The following KMT2E variants were observed in gnomAD, a reference collection of about 807,000 sequenced individuals.
KMT2E encodes histone reader KMT2E.
KMT2E carries 30 observed loss-of-function variants against 184.6 expected under a neutral mutation model. That is an observed-to-expected ratio of 0.16 (90% confidence interval 0.12 to 0.22). The LOEUF (loss-of-function observed/expected upper bound fraction) is 0.22. KMT2E is among the 10% of genes least tolerant of loss of function. The pLI is 1.00. For synonymous variants in KMT2E, 815 were observed against 776.5 expected (o/e 1.05, Z -0.82); for missense variants, 2,023 against 2,237.4 (o/e 0.90, Z 1.93).
intron 8 of KMT2E, 71 bp from the exon 9 acceptor site, chr7:105,075,972 C>T (rs983143978): frequency 1.7e-6 from 2 of 1,206,592 alleles, no homozygotes; most frequent in Non-Finnish European, 2.4e-6. Flanking sequence ...TTTCAATGAA[C>T]CAATTAATTC....
intron 6 of KMT2E, among the ~76,000 whole-genome samples, chr7:105,073,251 G>A (rs1006763365): frequency 2.6e-5 from 4 of 151,836 alleles, no homozygotes; most frequent in African/African-American, 9.7e-5. Flanking sequence ...TAAAAAATTA[G>A]CCCGGCATGA....
intron 11 of KMT2E, among the ~76,000 whole-genome samples, 175 bp from the exon 12 acceptor site, chr7:105,078,657 CTTTTTTTTTTTTTT>C (rs71152940): frequency 4.5e-4 from 21 of 46,724 alleles, no homozygotes; most frequent in Admixed American, 2.7e-3. Flanking sequence ...CATGCCTGGC[CTTTTTTTTTTTTTT>C]TTTTTTTTTT....
intron 13 of KMT2E, chr7:105,089,228 T>C: frequency 2.5e-6 from 1 of 404,210 alleles, no homozygotes; most frequent in Non-Finnish European, 4.8e-6. Flanking sequence ...GGATGCAGTC[T>C]CACTCTGTCA....
At chr7:105,107,316 C>T (rs1798948583) in intron 21 of KMT2E, 46 bp from the exon 22 acceptor site, 2 of 1,523,416 alleles carry the variant, frequency 1.3e-6, no homozygotes, top group African/African-American at 2.8e-5. Flanking sequence ...TAAACAGTCC[C>T]AAGATGTGAT....
rs138172976 is a variant in KMT2E, at chr7:105,090,096, T to C, written c.1446T>C (p.Asn482=). ...GTTCTGAATCCATGGAAAATATCAA[T>C]AGTGGTTATGAGACCAGACGGAAAA... ...KRSSESMENI[N]SGYETRRKKG... Residue 482 remains asparagine (N), a synonymous_variant, in exon 14 of 27, where the codon AAT becomes AAC. Transcript: ENST00000311117. 4.0e-4 allele frequency: 648 copies of C among 1,613,442 alleles called. No homozygotes were observed. Among genetic ancestry groups the C allele is most frequent in the Non-Finnish European group, 5.2e-4 (619 of 1,179,860 alleles).
chr7:105,075,170 A>G (rs1283258391), intron 8 of KMT2E, among the ~76,000 whole-genome samples: 2 of 150,336 alleles, frequency 1.3e-5, no homozygotes, highest in African/African-American at 4.9e-5. Context: ...CATGTTTTAC[A>G]TAACGGTTCT....
At chr7:105,095,668 A>G (rs1020572144) in intron 15 of KMT2E, among the ~76,000 whole-genome samples, 4 of 152,106 alleles carry the variant, frequency 2.6e-5, no homozygotes, top group Admixed American at 2.6e-4. Flanking sequence ...ACCTGCTTTT[A>G]CAAAAGCAAA....
rs1324031314 is a variant in KMT2E, at chr7:105,113,288, G to A, written c.5532G>A (p.Val1844=). ...PGQIPIHRAQ[V]PPTFQNNYHG... is the part of the protein sequence containing the mutation. ...AGATTCCAATTCACAGAGCACAGGT[G>A]CCACCAACATTTCAAAACAATTACC... Residue 1844 remains valine, a synonymous_variant, in exon 27 of 27, where the codon GTG becomes GTA. Coordinates refer to ENST00000311117, the MANE Select transcript of KMT2E (RefSeq NM_182931.3). 1 of 1,613,694 alleles carries A rather than the reference G, an allele frequency of 6.2e-7. No homozygotes were observed. The highest frequency in any genetic ancestry group is 8.5e-7 in the Non-Finnish European group (1 of 1,179,616).
chr7:105,068,294 G>A (rs1056161060), intron 6 of KMT2E, among the ~76,000 whole-genome samples: 4 of 151,748 alleles, frequency 2.6e-5, no homozygotes, highest in Non-Finnish European at 5.9e-5. Flanking sequence ...TTCATAGTTA[G>A]ACTGTTTTGT....
chr7:105,073,535 TTAAA>T (rs1315708122), intron 6 of KMT2E, 80 bp from the exon 7 acceptor site: 4 of 824,688 alleles, frequency 4.9e-6, no homozygotes, highest in Admixed American at 2.5e-5. Context: ...ACTGAGAACA[TTAAA>T]TAAATTAAAA....
chr7:105,061,051 G>A (rs770570406), intron 3 of KMT2E, among the ~76,000 whole-genome samples: 1 of 152,074 alleles, frequency 6.6e-6, no homozygotes, highest in Non-Finnish European at 1.5e-5. Flanking sequence ...ATCTCCTTTA[G>A]AACCATTAGA....
intron 1 of KMT2E, among the ~76,000 whole-genome samples, chr7:105,016,415 C>A (rs1400668028): frequency 6.6e-6 from 1 of 152,048 alleles, no homozygotes; most frequent in Non-Finnish European, 1.5e-5. Context: ...GATTTTTTTC[C>A]TCTTCAAATA....
At chr7:105,102,366 G>A in intron 17 of KMT2E, 172 bp downstream of exon 17, 2 of 519,466 alleles carry the variant, frequency 3.9e-6, no homozygotes, top group South Asian at 2.9e-5. Context: ...TAATATAAAT[G>A]TTTGCATTAC....
intron 6 of KMT2E, among the ~76,000 whole-genome samples, chr7:105,069,292 T>C (rs1797184038): frequency 6.6e-6 from 1 of 152,250 alleles, no homozygotes; most frequent in African/African-American, 2.4e-5. Flanking sequence ...ATACAAGTTT[T>C]TATGTAGCTG....
intron 6 of KMT2E, among the ~76,000 whole-genome samples, chr7:105,070,184 CCT>C (rs1797224588): frequency 6.6e-6 from 1 of 151,716 alleles, no homozygotes; most frequent in South Asian, 2.1e-4. Context: ...TGTTTTTCCC[CCT>C]CTCTGGGTTA....
chr7:105,093,566 C>G (rs1019686751), intron 15 of KMT2E, among the ~76,000 whole-genome samples: 1 of 152,096 alleles, frequency 6.6e-6, no homozygotes, highest in Non-Finnish European at 1.5e-5. Flanking sequence ...TGACTGTAAT[C>G]GCAGCCACTT....
chr7:105,099,530 A>G (rs557191200), intron 15 of KMT2E, among the ~76,000 whole-genome samples: 14 of 152,246 alleles, frequency 9.2e-5, no homozygotes, highest in Non-Finnish European at 2.1e-4. Context: ...TTTATATCAT[A>G]TAGTTTTATC....
At chr7:105,096,028 G>A (rs1470864064) in intron 15 of KMT2E, among the ~76,000 whole-genome samples, 1 of 152,150 alleles carries the variant, frequency 6.6e-6, no homozygotes, top group East Asian at 1.9e-4. Context: ...GCCAAGGTGG[G>A]TGGATCACTT....
chr7:105,029,282 A>G (rs1452420820), intron 1 of KMT2E, among the ~76,000 whole-genome samples: 1 of 152,216 alleles, frequency 6.6e-6, no homozygotes, highest in Non-Finnish European at 1.5e-5. Context: ...TTGGATTGCC[A>G]TAGGTCATTT....
Sources: allele counts gnomAD v4.1 joint callset (sites outside exome capture counted in the v4.1 genomes callset), GRCh38; gene constraint gnomAD v4.1.1; transcripts MANE v1.5; gene names NCBI Gene and HGNC (gene_info 2026-07-23, HGNC 2026-07-21).